The following RIMS1 variants were observed in gnomAD, a reference collection of about 807,000 sequenced individuals.
RIMS1 encodes regulating synaptic membrane exocytosis protein 1.
RIMS1 carries 83 observed loss-of-function variants against 214.1 expected under a neutral mutation model. The observed-to-expected ratio is 0.39, with a 90% CI of 0.32 to 0.47. RIMS1 has a LOEUF of 0.47. Among genes scored for constraint, RIMS1 ranks in the 20% least tolerant of loss-of-function variants. RIMS1 has a pLI of 0.99. For synonymous variants in RIMS1, 793 were observed against 786.8 expected (o/e 1.01, Z -0.13); for missense variants, 2,050 against 2,161.8 (o/e 0.95, Z 1.03).
chr6:72,292,487 TTGA>T (rs1178707089), intron 26 of RIMS1, among the ~76,000 whole-genome samples: 6 of 152,284 alleles, frequency 3.9e-5, no homozygotes, highest in Non-Finnish European at 8.8e-5. Context: ...TATTTTAAGT[TTGA>T]TGATGAAAAA....
chr6:72,218,758 C>T (rs1436814809), intron 6 of RIMS1, among the ~76,000 whole-genome samples: 3 of 151,948 alleles, frequency 2.0e-5, no homozygotes, highest in South Asian at 2.1e-4. Context: ...ACATGAGAGA[C>T]GAAAGAAAAA....
intron 2 of RIMS1, among the ~76,000 whole-genome samples, chr6:72,001,862 G>T (rs1805369585): frequency 6.6e-6 from 1 of 152,128 alleles, no homozygotes; most frequent in East Asian, 1.9e-4. Context: ...TGCTTAAAAT[G>T]TGGTACAGAA....
chr6:72,148,486 T>C (rs1008755578), intron 4 of RIMS1: 1 of 391,552 alleles, frequency 2.6e-6, no homozygotes, highest in African/African-American at 2.1e-5. Context: ...CTTCACCACG[T>C]AGCAGGAAGG....
chr6:72,369,495 T>A (rs913736232), intron 29 of RIMS1, among the ~76,000 whole-genome samples: 1 of 152,156 alleles, frequency 6.6e-6, no homozygotes, highest in East Asian at 1.9e-4. Context: ...GGGCAGGTCA[T>A]GAGAGAAGGG....
chr6:72,140,354 T>G (rs1481353118), intron 4 of RIMS1, among the ~76,000 whole-genome samples: 1 of 152,136 alleles, frequency 6.6e-6, no homozygotes. Context: ...GGTAACATAG[T>G]TAAACAGAGG....
Position 72,338,290 on chromosome 6 carries a change from G to C in RIMS1, c.4366+4455G>C, listed in dbSNP as rs184585295. Among the ~76,000 whole-genome samples, 29 of 152,002 alleles carry C rather than the reference G, an allele frequency of 1.9e-4. No homozygotes were observed. The East Asian group carries it at 5.1e-3, about 26-fold the overall frequency. On this transcript the variant is annotated intron_variant, in intron 29 of 33. Coordinates refer to ENST00000521978, the MANE Select transcript of RIMS1 (RefSeq NM_014989.7). Reference sequence around the variant, plus strand: ...TTTTTAATGATCACCATTTTAACTGGTGTAAGATGGTATCTGACTGTGGTT... The same window carrying C: ...TTTTTAATGATCACCATTTTAACTGCTGTAAGATGGTATCTGACTGTGGTT...
chr6:72,334,735 A>G (rs912984915), intron 29 of RIMS1, among the ~76,000 whole-genome samples: 5 of 152,070 alleles, frequency 3.3e-5, no homozygotes, highest in East Asian at 3.9e-4. Flanking sequence ...AATCCTTTTT[A>G]TATCTCACTC....
chr6:72,201,828 G>A (rs1333897927), intron 6 of RIMS1, among the ~76,000 whole-genome samples: 1 of 152,104 alleles, frequency 6.6e-6, no homozygotes, highest in African/African-American at 2.4e-5. Flanking sequence ...TAGATCTTGT[G>A]ACCAAATCTG....
At chr6:71,988,522 A>G (rs919532720) in intron 2 of RIMS1, among the ~76,000 whole-genome samples, 3 of 152,216 alleles carry the variant, frequency 2.0e-5, no homozygotes, top group African/African-American at 7.2e-5. Flanking sequence ...CGATGTCAGT[A>G]TGTAATAATA....
chr6:71,906,789 A>C (rs1475051593), intron 1 of RIMS1, among the ~76,000 whole-genome samples: 1 of 152,142 alleles, frequency 6.6e-6, no homozygotes, highest in Non-Finnish European at 1.5e-5. Flanking sequence ...GGAGGAGCAA[A>C]TAGGATAACA....
chr6:72,117,767 C>T (rs936536403), intron 4 of RIMS1, among the ~76,000 whole-genome samples: 5 of 151,854 alleles, frequency 3.3e-5, no homozygotes, highest in South Asian at 4.1e-4. Context: ...CTCTGGGATA[C>T]GGCAAAAGCA....
intron 28 of RIMS1, chr6:72,316,914 A>G (rs1014991431): frequency 1.3e-6 from 1 of 751,396 alleles, no homozygotes; most frequent in Non-Finnish European, 2.4e-6. Context: ...CAGCCACCCA[A>G]GAACTGAGGT....
At chr6:72,002,267 G>A (rs78728647) in intron 2 of RIMS1, among the ~76,000 whole-genome samples, 17,178 of 151,584 alleles carry the variant, frequency 0.11, 1,164 homozygotes, top group South Asian at 0.17. Context: ...GGGAGCAGCT[G>A]TTACTAAGGC....
rs1167970422 is a variant in RIMS1, at chr6:72,291,961, A to G, written c.3765A>G (p.Gln1255=). 1.5e-5 allele frequency: 24 copies of G among 1,562,550 alleles called. No individual in the cohort carries two copies. Among genetic ancestry groups the G allele is most frequent in the Non-Finnish European group, 2.1e-5 (24 of 1,153,472 alleles). Residue 1255 remains glutamine (Q), a synonymous_variant, in exon 26 of 34, where the codon CAA becomes CAG. Coordinates refer to ENST00000521978, the MANE Select transcript of RIMS1 (RefSeq NM_014989.7). ...TRMHRQRSPT[Q]SPPADTSFSS... ...TGCACCGACAGAGAAGTCCAACACA[A>G]TCTCCTCCAGCAGACACATCGTTCA...
chr6:72,378,915 A>G (rs889850974), intron 29 of RIMS1, among the ~76,000 whole-genome samples: 1 of 152,128 alleles, frequency 6.6e-6, no homozygotes, highest in Admixed American at 6.5e-5. Context: ...TATTTAATAA[A>G]CGGTGTTTAT....
At chr6:72,050,109 C>T (rs2152130530) in intron 2 of RIMS1, among the ~76,000 whole-genome samples, 1 of 152,228 alleles carries the variant, frequency 6.6e-6, no homozygotes, top group East Asian at 1.9e-4. Context: ...TACACACACA[C>T]CCCACCACCA....
chr6:72,248,978 A>G (rs1205203562), intron 12 of RIMS1, among the ~76,000 whole-genome samples: 6 of 152,166 alleles, frequency 3.9e-5, no homozygotes, highest in East Asian at 3.9e-4. Context: ...TATTCTCCAC[A>G]TATTTTGAAA....
At chr6:72,138,632 CTAAA>C (rs1267848461) in intron 4 of RIMS1, among the ~76,000 whole-genome samples, 6 of 151,958 alleles carry the variant, frequency 3.9e-5, no homozygotes, top group African/African-American at 7.3e-5. Context: ...ACAAAAACAA[CTAAA>C]TAGACACTCT....
At chr6:72,069,819 C>G (rs139355969) in intron 2 of RIMS1, among the ~76,000 whole-genome samples, 9 of 152,270 alleles carry the variant, frequency 5.9e-5, no homozygotes, top group African/African-American at 2.2e-4. Flanking sequence ...CAGTCAAGAC[C>G]ACTCCTATCC....
Sources: gnomAD v4.1 joint callset for allele counts (sites outside exome capture counted in the v4.1 genomes callset) on GRCh38, gnomAD v4.1.1 for gene constraint, MANE v1.5 for transcripts, NCBI Gene and HGNC (gene_info 2026-07-23, HGNC 2026-07-21) for gene names.